Variants in CCDC102B observed in about 807,000 individuals in gnomAD.
CCDC102B encodes the protein coiled-coil domain-containing protein 102B.
Under a neutral mutation model 57.4 loss-of-function variants are expected in CCDC102B, and 75 were observed. The ratio of observed to expected loss-of-function variants is 1.31; its 90% CI spans 1.08 to 1.58. The LOEUF (loss-of-function observed/expected upper bound fraction) is 1.58, where lower values mean the gene tolerates loss of function less well. Ranked by LOEUF, CCDC102B falls within the 40% of genes most tolerant of loss-of-function variation. The probability of loss-of-function intolerance (pLI) is 0.00; values close to 1 mark genes in which losing one functional copy is unlikely to be tolerated. For missense variants in CCDC102B, 636 were observed against 582.6 expected (o/e 1.09, Z -0.94); for synonymous variants, 206 against 201.9 (o/e 1.02, Z -0.17).
chr18:68,943,433 A>G (rs1280928743), intron 6 of CCDC102B, among the ~76,000 whole-genome samples: 2 of 152,016 alleles, frequency 1.3e-5, no homozygotes, highest in Non-Finnish European at 2.9e-5. Context: ...TAGGCTTTAT[A>G]CTTTTTCTAC....
At chr18:69,034,997 T>G (rs2052249839) in intron 7 of CCDC102B, among the ~76,000 whole-genome samples, 1 of 151,930 alleles carries the variant, frequency 6.6e-6, no homozygotes, top group South Asian at 2.1e-4. Flanking sequence ...CCTGTGTCAT[T>G]CCATATAGAA....
chr18:68,761,859 T>C (rs928760149), intron 2 of CCDC102B, among the ~76,000 whole-genome samples: 1 of 152,160 alleles, frequency 6.6e-6, no homozygotes, highest in African/African-American at 2.4e-5. Flanking sequence ...TTATTTGTGC[T>C]TTCATTTGTT....
chr18:69,054,991 T>A lies in CCDC102B; in HGVS notation c.*854T>A. The A allele has an allele frequency of 5.1e-6, 5 of 982,926 alleles. No individual in the cohort carries two copies. Among genetic ancestry groups the A allele is most frequent in the Non-Finnish European group, 6.0e-6 (5 of 827,692 alleles). The allele number at this position is 982,926 out of a possible 1,614,324, so 60.9% of individuals were successfully genotyped here. On this transcript the variant is annotated 3_prime_UTR_variant, in exon 8 of 8. Transcript: ENST00000360242. ...TAGTTTATTGCTTCATATTTAAGTT[T>A]AGTTTTTAAGGTAAAATGTTATTTT...
intron 2 of CCDC102B, among the ~76,000 whole-genome samples, chr18:68,778,343 T>C (rs2034892804): frequency 6.6e-6 from 1 of 152,168 alleles, no homozygotes. Context: ...GGAATTCATA[T>C]TTGATTTCTA....
At chr18:68,835,808 C>T (rs1487640892) in intron 1 of CCDC102B, among the ~76,000 whole-genome samples, 4 of 152,166 alleles carry the variant, frequency 2.6e-5, no homozygotes, top group African/African-American at 9.7e-5. Flanking sequence ...TATTCAAACA[C>T]ACGGAAGGCA....
chr18:68,832,118 A>C (rs557860345), intron 1 of CCDC102B, among the ~76,000 whole-genome samples: 1 of 152,094 alleles, frequency 6.6e-6, no homozygotes, highest in South Asian at 2.1e-4. Flanking sequence ...GAAAAAAAAA[A>C]TTCAACAAAG....
intron 2 of CCDC102B, among the ~76,000 whole-genome samples, chr18:68,744,514 C>A (rs1465791080): frequency 6.6e-6 from 1 of 152,110 alleles, no homozygotes; most frequent in Non-Finnish European, 1.5e-5. Flanking sequence ...ATACTGCATC[C>A]TCCTGGTTCT....
At chr18:69,053,798 A>G (rs906773473) in intron 7 of CCDC102B, among the ~76,000 whole-genome samples, 1 of 151,908 alleles carries the variant, frequency 6.6e-6, no homozygotes, top group Non-Finnish European at 1.5e-5. Flanking sequence ...AAATTTGTAC[A>G]TATTTATGAT....
chr18:68,896,180 T>C (rs528329422), intron 5 of CCDC102B, among the ~76,000 whole-genome samples: 1 of 152,106 alleles, frequency 6.6e-6, no homozygotes, highest in South Asian at 2.1e-4. Flanking sequence ...CACTTCTACT[T>C]ACAATGTCCA....
At chr18:68,896,349 C>G (rs1180896679) in intron 5 of CCDC102B, among the ~76,000 whole-genome samples, 3 of 151,878 alleles carry the variant, frequency 2.0e-5, no homozygotes, top group Non-Finnish European at 4.4e-5. Context: ...TATCTTAAAT[C>G]AGAATTTCTA....
chr18:68,839,146 C>T (rs956462855), intron 3 of CCDC102B: 25 of 562,040 alleles, frequency 4.4e-5, no homozygotes, highest in Middle Eastern at 4.8e-4. Context: ...TGACTTTTAT[C>T]ATGACTATGT....
intron 6 of CCDC102B, among the ~76,000 whole-genome samples, chr18:68,910,965 GA>G (rs1351887997): frequency 6.6e-6 from 1 of 151,834 alleles, no homozygotes; most frequent in Non-Finnish European, 1.5e-5. Context: ...GAAATAAAAG[GA>G]ATGCTTATAC....
chr18:68,838,738 A>G lies in CCDC102B; in HGVS notation c.639A>G (p.Leu213=), dbSNP rs1175143662. 1 of 1,613,982 alleles carries G rather than the reference A, an allele frequency of 6.2e-7. No individual in the cohort carries two copies. The highest frequency in any genetic ancestry group is 8.5e-7 in the Non-Finnish European group (1 of 1,179,930). The part of the protein sequence containing the change: ...EQGVVIDSLK[L]SEEMKPNLDG... Reference sequence around the variant, plus strand: ...GTGTGGTTATTGATTCTCTAAAATTAAGTGAGGAGATGAAGCCCAATCTAG... The same window carrying G: ...GTGTGGTTATTGATTCTCTAAAATTGAGTGAGGAGATGAAGCCCAATCTAG... Residue 213 remains leucine (L), a synonymous_variant, in exon 3 of 8, where the codon TTA becomes TTG. Transcript: ENST00000360242.
In CCDC102B at chr18:68,718,691, A is replaced by C. The variant is rs572096333; in HGVS notation, c.-67+2097A>C. On this transcript the variant is annotated intron_variant, in intron 2 of 3. Coordinates refer to the CCDC102B transcript ENST00000578970. ...ATTATAGTTTTAACAGTGCTTCTCA[A>C]ATTTTAAGCATCAGTTGCCTGGAGA... Among the ~76,000 whole-genome samples the C allele has an allele frequency of 3.9e-5, 6 of 152,294 alleles. No individual in the cohort carries two copies. In the South Asian group the frequency reaches 8.3e-4, roughly 21 times the overall value.
At chr18:68,989,961 G>A (rs1161761122) in intron 6 of CCDC102B, among the ~76,000 whole-genome samples, 1 of 152,098 alleles carries the variant, frequency 6.6e-6, no homozygotes, top group Non-Finnish European at 1.5e-5. Context: ...AGTGGAGTTG[G>A]TTATTTTGTT....
At chr18:68,878,526 ATTAAG>A (rs967218142) in intron 5 of CCDC102B, among the ~76,000 whole-genome samples, 1 of 152,064 alleles carries the variant, frequency 6.6e-6, no homozygotes, top group Admixed American at 6.5e-5. Flanking sequence ...TTAGGAGTTG[ATTAAG>A]TTATGAGGGC....
chr18:68,784,889 C>T (rs1019808411), intron 2 of CCDC102B, among the ~76,000 whole-genome samples: 5 of 151,822 alleles, frequency 3.3e-5, no homozygotes, highest in African/African-American at 9.7e-5. Context: ...AGGATAGTTA[C>T]GTATGTATAC....
intron 6 of CCDC102B, among the ~76,000 whole-genome samples, chr18:68,970,132 T>A (rs1307007309): frequency 2.0e-5 from 3 of 152,048 alleles, no homozygotes; most frequent in African/African-American, 7.2e-5. Context: ...GTGATAAATA[T>A]TTAGCAACTA....
In CCDC102B at chr18:68,836,749, G is replaced by A. The variant is rs1443107448; in HGVS notation, c.-15G>A. On this transcript the variant is annotated splice_region_variant and 5_prime_UTR_variant, in exon 2 of 8. Transcript: ENST00000360242. ...AATTATGGTCTCTATCTTTTCTCAG[G>A]TCTTAAAAATAAATATGAATTTAGA... 2 of 1,602,648 alleles carry A rather than the reference G, an allele frequency of 1.2e-6. No homozygotes were observed. Among genetic ancestry groups the A allele is most frequent in the Non-Finnish European group, 1.7e-6 (2 of 1,176,046 alleles).
Sources: allele counts gnomAD v4.1 joint callset (sites outside exome capture counted in the v4.1 genomes callset), GRCh38; gene constraint gnomAD v4.1.1; transcripts MANE v1.5; gene names NCBI Gene and HGNC (gene_info 2026-07-23, HGNC 2026-07-21).